The following POU6F2 variants were observed in gnomAD, a reference collection of about 807,000 sequenced individuals.
POU6F2 encodes POU class 6 homeobox 2, also known as POU domain, class 6, transcription factor 2.
A neutral mutation model predicts 71.3 loss-of-function variants in POU6F2; 31 were observed. The ratio of observed to expected loss-of-function variants is 0.43; its 90% confidence interval spans 0.33 to 0.59. The LOEUF (loss-of-function observed/expected upper bound fraction) is 0.59, where lower values mean the gene tolerates loss of function less well. Ranked by LOEUF, POU6F2 falls within the 20% of genes least tolerant of loss-of-function variation. The pLI, the probability that POU6F2 is intolerant of heterozygous loss-of-function variation, is 0.04. For synonymous variants in POU6F2, 347 were observed against 355.7 expected (o/e 0.98, Z 0.27); for missense variants, 783 against 856.8 (o/e 0.91, Z 1.07).
chr7:39,040,937 A>T (rs1374467144), intron 1 of POU6F2, among the ~76,000 whole-genome samples: 1 of 151,934 alleles, frequency 6.6e-6, no homozygotes, highest in Non-Finnish European at 1.5e-5. Flanking sequence ...AGACTTTTTT[A>T]AAAATGAAAA....
chr7:39,266,768 T>TAC (rs1784253553), intron 4 of POU6F2, among the ~76,000 whole-genome samples: 1 of 68,986 alleles, frequency 1.4e-5, no homozygotes, highest in East Asian at 4.2e-4. Context: ...AACATTTTGA[T>TAC]ATATATATGT....
At chr7:39,441,692 C>G (rs745944528) in intron 7 of POU6F2, among the ~76,000 whole-genome samples, 1 of 152,196 alleles carries the variant, frequency 6.6e-6, no homozygotes, top group African/African-American at 2.4e-5. Context: ...ATCAATTCCT[C>G]TGTTTCTCTG....
Position 39,316,857 on chromosome 7 carries a change from A to C in POU6F2, c.599-22785A>C, listed in dbSNP as rs1278690384. Among the ~76,000 whole-genome samples the C allele has an allele frequency of 3.9e-5, 6 of 152,172 alleles. No homozygotes were observed. The East Asian group carries it at 1.2e-3, about 29-fold the overall frequency. On this transcript the variant is annotated intron_variant, in intron 4 of 9. Coordinates refer to ENST00000518318, the MANE Select transcript of POU6F2 (RefSeq NM_001370959.1). ...AGAACTTGATTTTGTTAACCACCTA[A>C]TAATAAAAGAGAAATAAACTCATGT...
intron 2 of POU6F2, among the ~76,000 whole-genome samples, chr7:39,130,668 T>C (rs986625308): frequency 6.6e-6 from 1 of 152,188 alleles, no homozygotes; most frequent in Non-Finnish European, 1.5e-5. Flanking sequence ...AAGAACACTT[T>C]TAAAAATCAG....
chr7:39,189,939 G>T (rs1793626128), intron 2 of POU6F2, among the ~76,000 whole-genome samples: 1 of 151,876 alleles, frequency 6.6e-6, no homozygotes, highest in African/African-American at 2.4e-5. Flanking sequence ...CCTCACCCAG[G>T]CTGGAGTGCA....
At chr7:39,217,366 C>T (rs1311781848) in intron 4 of POU6F2, among the ~76,000 whole-genome samples, 2 of 152,138 alleles carry the variant, frequency 1.3e-5, no homozygotes, top group East Asian at 3.8e-4. Context: ...TGTGCTAAAC[C>T]TTCTGGTACC....
At chr7:39,417,542 G>A (rs989506937) in intron 6 of POU6F2, among the ~76,000 whole-genome samples, 19 of 152,162 alleles carry the variant, frequency 1.2e-4, no homozygotes, top group Non-Finnish European at 2.1e-4. Flanking sequence ...ATGTCATCAG[G>A]TGGAGGGTTC....
At chr7:39,398,824 A>G (rs753499175) in intron 5 of POU6F2, among the ~76,000 whole-genome samples, 3 of 152,246 alleles carry the variant, frequency 2.0e-5, no homozygotes, top group South Asian at 2.1e-4. Flanking sequence ...GGCTTATTAT[A>G]TGGCAGGAGC....
At chr7:39,278,013 G>A (rs894757109) in intron 4 of POU6F2, among the ~76,000 whole-genome samples, 1 of 151,030 alleles carries the variant, frequency 6.6e-6, no homozygotes, top group Non-Finnish European at 1.5e-5. Flanking sequence ...GGCAGAGGTT[G>A]CAGTGAGCCG....
chr7:39,328,301 A>G (rs541964175), intron 4 of POU6F2, among the ~76,000 whole-genome samples: 1 of 152,370 alleles, frequency 6.6e-6, no homozygotes, highest in East Asian at 1.9e-4. Context: ...TGAAACATGC[A>G]GGATCTCCCA....
At chr7:39,441,596 T>A (rs1271388534) in intron 7 of POU6F2, among the ~76,000 whole-genome samples, 1 of 152,164 alleles carries the variant, frequency 6.6e-6, no homozygotes, top group African/African-American at 2.4e-5. Context: ...AGTGTGGTGA[T>A]CTAGCATCCA....
chr7:39,367,893 T>C (rs1786535277), intron 5 of POU6F2, among the ~76,000 whole-genome samples: 1 of 152,236 alleles, frequency 6.6e-6, no homozygotes, highest in Non-Finnish European at 1.5e-5. Flanking sequence ...CTATTGTAAT[T>C]GTTTTGGGGT....
intron 4 of POU6F2, among the ~76,000 whole-genome samples, chr7:39,303,409 A>G (rs1784989882): frequency 6.6e-6 from 1 of 152,162 alleles, no homozygotes; most frequent in African/African-American, 2.4e-5. Context: ...AGGCTCCCAA[A>G]GTGCTGGGAT....
chr7:39,439,655 A>AT (rs1725716357), intron 7 of POU6F2, among the ~76,000 whole-genome samples: 1 of 151,788 alleles, frequency 6.6e-6, no homozygotes, highest in Admixed American at 6.6e-5. Flanking sequence ...ACACCTGGCT[A>AT]TTTTTTGTAT....
Position 39,100,203 on chromosome 7 carries a change from T to G in POU6F2, c.277+14172T>G, listed in dbSNP as rs1457652167. Among the ~76,000 whole-genome samples the G allele has an allele frequency of 2.6e-5, 4 of 152,218 alleles. No individual in the cohort carries two copies. The East Asian group carries it at 7.7e-4, about 29-fold the overall frequency. The stretch of plus-strand genomic sequence containing the variant: ...GATCTTCAACAATGAACCCTTTTCA[T>G]ATATTTTTCAAAAGGAACAAACCAA... On this transcript the variant is annotated intron_variant, in intron 2 of 9. Coordinates refer to ENST00000518318, the MANE Select transcript of POU6F2 (RefSeq NM_001370959.1).
chr7:39,072,245 A>AT (rs1466096610), intron 1 of POU6F2, among the ~76,000 whole-genome samples: 3 of 152,192 alleles, frequency 2.0e-5, no homozygotes, highest in African/African-American at 7.2e-5. Context: ...TGATTGTGTA[A>AT]TGAGGCTAAA....
chr7:39,287,048 A>G (rs1231114656), intron 4 of POU6F2, among the ~76,000 whole-genome samples: 7 of 151,888 alleles, frequency 4.6e-5, no homozygotes, highest in African/African-American at 1.5e-4. Flanking sequence ...GACTTTTCAG[A>G]GCTTTTAATA....
intron 5 of POU6F2, among the ~76,000 whole-genome samples, chr7:39,396,820 T>A (rs1044096553): frequency 1.3e-5 from 2 of 152,086 alleles, no homozygotes; most frequent in Non-Finnish European, 2.9e-5. Flanking sequence ...TGTGGGGCTT[T>A]GGCCTAGTTC....
chr7:39,154,062 A>G (rs1792812894), intron 2 of POU6F2, among the ~76,000 whole-genome samples: 1 of 152,234 alleles, frequency 6.6e-6, no homozygotes, highest in South Asian at 2.1e-4. Flanking sequence ...ATTTTGAGAA[A>G]TACTGTTGTA....
Sources: allele counts gnomAD v4.1 joint callset (sites outside exome capture counted in the v4.1 genomes callset), GRCh38; gene constraint gnomAD v4.1.1; transcripts MANE v1.5; gene names NCBI Gene and HGNC (gene_info 2026-07-23, HGNC 2026-07-21).